The following AGBL4 variants were observed in gnomAD, a reference collection of about 807,000 sequenced individuals.
AGBL4 encodes the protein cytosolic carboxypeptidase 6.
A neutral mutation model predicts 66.4 loss-of-function variants in AGBL4; 58 were observed. The ratio of observed to expected loss-of-function variants is 0.87; its 90% CI spans 0.71 to 1.09. The LOEUF (loss-of-function observed/expected upper bound fraction) is 1.09. Among genes scored for constraint, AGBL4 ranks in the 50% least tolerant of loss-of-function variants. AGBL4 has a pLI of 0.00. For missense variants in AGBL4, 579 were observed against 631.0 expected, an observed-to-expected ratio of 0.92 and a Z score of 0.88; for synonymous variants, 234 against 222.9, an observed-to-expected ratio of 1.05 and a Z score of -0.44.
At chr1:48,890,007 T>C (rs1236429716) in intron 5 of AGBL4, among the ~76,000 whole-genome samples, 3 of 151,886 alleles carry the variant, frequency 2.0e-5, no homozygotes, top group African/African-American at 4.8e-5. Context: ...TGTGTGTGTG[T>C]GTGTGTGTGT....
At chr1:49,669,761 T>C (rs1646440603) in intron 3 of AGBL4, among the ~76,000 whole-genome samples, 1 of 152,130 alleles carries the variant, frequency 6.6e-6, no homozygotes. Context: ...TCTTATCACA[T>C]CAACTTTACA....
intron 5 of AGBL4, among the ~76,000 whole-genome samples, chr1:48,953,821 G>A (rs921083740): frequency 6.6e-6 from 1 of 152,156 alleles, no homozygotes; most frequent in Admixed American, 6.5e-5. Context: ...GAGACGGGCT[G>A]CTAACTGGGA....
At chr1:48,834,582 C>G (rs1165023369) in intron 6 of AGBL4, among the ~76,000 whole-genome samples, 2 of 152,164 alleles carry the variant, frequency 1.3e-5, no homozygotes, top group East Asian at 3.9e-4. Context: ...AAATCTTTTT[C>G]TCTTTCTACT....
chr1:49,478,482 T>C (rs2148722611), intron 3 of AGBL4, among the ~76,000 whole-genome samples: 1 of 152,126 alleles, frequency 6.6e-6, no homozygotes, highest in Admixed American at 6.5e-5. Flanking sequence ...CCTAGAATAC[T>C]ATCTGGTGAA....
At chr1:49,130,913 C>T (rs375949538) in intron 4 of AGBL4, among the ~76,000 whole-genome samples, 1 of 151,824 alleles carries the variant, frequency 6.6e-6, no homozygotes, top group East Asian at 1.9e-4. Context: ...TAATTAATTC[C>T]TAGGTGGAAA....
chr1:49,944,410 G>GCCTGGTAGA (rs1410091205), intron 1 of AGBL4, among the ~76,000 whole-genome samples: 4 of 152,156 alleles, frequency 2.6e-5, no homozygotes, highest in Middle Eastern at 3.4e-3. Context: ...ACAGCCCAAA[G>GCCTGGTAGA]CCTGGTAGAC....
chr1:49,222,672 A>G (rs1649589857), intron 4 of AGBL4, among the ~76,000 whole-genome samples: 1 of 152,196 alleles, frequency 6.6e-6, no homozygotes, highest in South Asian at 2.1e-4. Flanking sequence ...TGTACATTAG[A>G]CAAAATCATC....
chr1:49,926,327 G>A (rs1407788801), intron 1 of AGBL4, among the ~76,000 whole-genome samples: 3 of 152,170 alleles, frequency 2.0e-5, no homozygotes, highest in African/African-American at 7.2e-5. Flanking sequence ...TACTAGGCTT[G>A]GGGTACCCTT....
At chr1:49,515,685 A>T (rs1378227790) in intron 3 of AGBL4, among the ~76,000 whole-genome samples, 1 of 151,884 alleles carries the variant, frequency 6.6e-6, no homozygotes, top group African/African-American at 2.4e-5. Context: ...TGGCACATAT[A>T]CACCATGGAA....
At chr1:49,079,636 A>T (rs1644773160) in intron 4 of AGBL4, among the ~76,000 whole-genome samples, 1 of 152,178 alleles carries the variant, frequency 6.6e-6, no homozygotes, top group Admixed American at 6.5e-5. Context: ...AGGGACACAG[A>T]GCCAAACCAT....
intron 3 of AGBL4, among the ~76,000 whole-genome samples, chr1:49,361,094 G>A (rs1385550004): frequency 1.3e-5 from 2 of 152,238 alleles, no homozygotes; most frequent in African/African-American, 2.4e-5. Flanking sequence ...CACCATGCCT[G>A]TGTATTCAAA....
intron 3 of AGBL4, among the ~76,000 whole-genome samples, chr1:49,395,056 G>A (rs1320132731): frequency 6.6e-6 from 1 of 152,118 alleles, no homozygotes; most frequent in Non-Finnish European, 1.5e-5. Context: ...AACTCTATAA[G>A]CTGAGTCATA....
chr1:48,955,680 G>A (rs1657392297), intron 5 of AGBL4, among the ~76,000 whole-genome samples: 1 of 152,124 alleles, frequency 6.6e-6, no homozygotes, highest in African/African-American at 2.4e-5. Context: ...ACTATGCCTG[G>A]CCCCTGGGCC....
intron 2 of AGBL4, among the ~76,000 whole-genome samples, chr1:49,826,361 T>A (rs1248228897): frequency 6.6e-6 from 1 of 152,230 alleles, no homozygotes; most frequent in Admixed American, 6.5e-5. Flanking sequence ...ACAAGTATGT[T>A]CTGCCATATT....
intron 3 of AGBL4, among the ~76,000 whole-genome samples, chr1:49,649,167 T>C (rs556127048): frequency 9.1e-4 from 138 of 152,140 alleles, no homozygotes; most frequent in Non-Finnish European, 1.3e-3. Context: ...TACTAAAAGA[T>C]AGAGATGGTA....
At chr1:49,801,618 G>A (rs1321957195) in intron 2 of AGBL4, among the ~76,000 whole-genome samples, 3 of 152,090 alleles carry the variant, frequency 2.0e-5, no homozygotes, top group African/African-American at 7.2e-5. Context: ...AAAGTGCATA[G>A]GCTTTACATG....
intron 11 of AGBL4, among the ~76,000 whole-genome samples, chr1:48,582,816 A>G (rs1557804380): frequency 6.6e-6 from 1 of 152,134 alleles, no homozygotes; most frequent in Non-Finnish European, 1.5e-5. Context: ...CCATTTATTT[A>G]TTTCCCAGAT....
chr1:49,513,662 C>T (rs55639923), intron 3 of AGBL4, among the ~76,000 whole-genome samples: 1 of 152,106 alleles, frequency 6.6e-6, no homozygotes, highest in African/African-American at 2.4e-5. Context: ...AGAAACATTC[C>T]TTTCATTACA....
At chr1:49,228,529 T>C (rs1188478074) in intron 4 of AGBL4, among the ~76,000 whole-genome samples, 1 of 152,276 alleles carries the variant, frequency 6.6e-6, no homozygotes, top group African/African-American at 2.4e-5. Flanking sequence ...TGTGAATATC[T>C]AAGAAACTTT....
Sources: gnomAD v4.1 joint callset for allele counts (sites outside exome capture counted in the v4.1 genomes callset) on GRCh38, gnomAD v4.1.1 for gene constraint, MANE v1.5 for transcripts, NCBI Gene and HGNC (gene_info 2026-07-23, HGNC 2026-07-21) for gene names.